The following LARP4B variants were observed in gnomAD, a reference collection of about 807,000 sequenced individuals.
LARP4B encodes the protein la-related protein 4B.
A neutral mutation model predicts 89.8 loss-of-function variants in LARP4B; 12 were observed. That is an observed-to-expected ratio of 0.13 (90% CI 0.09 to 0.22). The LOEUF (loss-of-function observed/expected upper bound fraction) is 0.22. Among genes scored for constraint, LARP4B ranks in the 10% least tolerant of loss-of-function variants. LARP4B has a pLI of 1.00. For missense variants in LARP4B, 757 were observed against 947.7 expected (o/e 0.80, Z 2.64); for synonymous variants, 367 against 363.3 (o/e 1.01, Z -0.12).
chr10:972,866 C>T, the LARP4B span: 1 of 456,980 alleles, frequency 2.2e-6, no homozygotes, highest in Non-Finnish European at 4.4e-6. Flanking sequence ...AGAATGCTGG[C>T]AGTTCTGTCT....
chr10:880,754 G>A (rs182182766), intron 3 of LARP4B, among the ~76,000 whole-genome samples: 1 of 152,246 alleles, frequency 6.6e-6, no homozygotes, highest in East Asian at 1.9e-4. Context: ...GTATGAGGAT[G>A]AGTTAGATTT....
chr10:847,607 A>G (rs1303066009), intron 5 of LARP4B, among the ~76,000 whole-genome samples: 4 of 151,716 alleles, frequency 2.6e-5, no homozygotes, highest in African/African-American at 9.7e-5. Flanking sequence ...GCTCACTGCA[A>G]CCTCCACCTC....
intron 13 of LARP4B, among the ~76,000 whole-genome samples, chr10:821,574 T>G (rs971767562): frequency 6.6e-6 from 1 of 152,128 alleles, no homozygotes; most frequent in African/African-American, 2.4e-5. Flanking sequence ...GTCTAACAAG[T>G]CACATGACAC....
At chr10:935,903 T>G (rs4881541), upstream of LARP4B, among the ~76,000 whole-genome samples, 65,674 of 150,888 alleles carry the variant, frequency 0.44, 14,772 homozygotes, top group Admixed American at 0.53. Flanking sequence ...TGTTTTTTTT[T>G]TTTGTTTGTT....
chr10:863,690 TA>T, intron 5 of LARP4B, 52 bp downstream of exon 5: 1 of 1,511,432 alleles, frequency 6.6e-7, no homozygotes, highest in Middle Eastern at 2.1e-4. Flanking sequence ...ATAAAAAAAA[TA>T]AATAAAGCAG....
At chr10:900,191 A>C (rs2131983489) in intron 1 of LARP4B, among the ~76,000 whole-genome samples, 1 of 152,104 alleles carries the variant, frequency 6.6e-6, no homozygotes, top group Non-Finnish European at 1.5e-5. Flanking sequence ...CCTAAAAAAT[A>C]CAAAACTTAG....
At chr10:913,927 C>T (rs1054221371) in intron 1 of LARP4B, among the ~76,000 whole-genome samples, 2 of 151,810 alleles carry the variant, frequency 1.3e-5, no homozygotes, top group African/African-American at 2.4e-5. Context: ...ATAAAAATAA[C>T]GAAGAATAAA....
the LARP4B span, among the ~76,000 whole-genome samples, chr10:949,634 T>C: frequency 2.0e-5 from 3 of 152,250 alleles, no homozygotes; most frequent in Non-Finnish European, 4.4e-5. Context: ...TTTTCAGCCA[T>C]GTGGATAGAT....
the LARP4B span, among the ~76,000 whole-genome samples, chr10:982,662 T>C: frequency 1.3e-5 from 2 of 152,252 alleles, no homozygotes; most frequent in Non-Finnish European, 1.5e-5. Flanking sequence ...ACCAATCACA[T>C]GGCCTTCCTA....
At chr10:947,998 G>C in the LARP4B span, among the ~76,000 whole-genome samples, 1 of 152,070 alleles carries the variant, frequency 6.6e-6, no homozygotes, top group Non-Finnish European at 1.5e-5. Context: ...CTGGCAGTGT[G>C]ATAGTGGACC....
In LARP4B at chr10:830,761, C is replaced by T. The variant is rs1832861868; in HGVS notation, c.861+106G>A. 3 of 627,414 alleles carry T rather than the reference C, an allele frequency of 4.8e-6. No individual in the cohort carries two copies. In the Admixed American group the frequency reaches 9.4e-5, roughly 20 times the overall value. The allele number at this position is 627,414 out of a possible 1,614,324, so 38.9% of individuals were successfully genotyped here. ...ATTTCCTCTGCAGATTATATTCAAA[C>T]TTACCATCACAAGTAATCTCAATGC... On this transcript the variant is annotated intron_variant, in intron 9 of 17. Transcript: ENST00000316157.
At chr10:850,356 G>C (rs1833978488) in intron 5 of LARP4B, among the ~76,000 whole-genome samples, 1 of 152,182 alleles carries the variant, frequency 6.6e-6, no homozygotes, top group Admixed American at 6.5e-5. Context: ...ATTAAGGCTA[G>C]TCAAAAGAAA....
rs552105029 is a variant in LARP4B, at chr10:926,919, A to G, written c.-40+4509T>C. Among the ~76,000 whole-genome samples the G allele has an allele frequency of 2.6e-5, 4 of 152,248 alleles. No homozygotes were observed. The South Asian group carries it at 8.3e-4, about 32-fold the overall frequency. ...GGCGTGGTGGCACGCACCTGTATGTAGTCCCAGCTACTCAGGAGGCTGAGG... is the reference window on the plus strand; with the variant it reads ...GGCGTGGTGGCACGCACCTGTATGTGGTCCCAGCTACTCAGGAGGCTGAGG... On this transcript the variant is annotated intron_variant, in intron 1 of 17. Coordinates refer to ENST00000316157, the MANE Select transcript of LARP4B (RefSeq NM_015155.3).
the LARP4B span, among the ~76,000 whole-genome samples, chr10:963,786 G>T: frequency 9.3e-4 from 141 of 152,302 alleles, 3 homozygotes; most frequent in South Asian, 0.018. Context: ...TCATGACATG[G>T]TGGAAGGTGT....
chr10:927,979 G>A (rs1485596488), intron 1 of LARP4B, among the ~76,000 whole-genome samples: 1 of 152,034 alleles, frequency 6.6e-6, no homozygotes, highest in African/African-American at 2.4e-5. Flanking sequence ...TTGGGAGGCC[G>A]AGGCGGGCGA....
intron 3 of LARP4B, among the ~76,000 whole-genome samples, chr10:870,556 C>T (rs1835149711): frequency 6.6e-6 from 1 of 152,178 alleles, no homozygotes; most frequent in South Asian, 2.1e-4. Flanking sequence ...TAGCATTTCC[C>T]ATAAAACCCA....
intron 7 of LARP4B, among the ~76,000 whole-genome samples, chr10:842,301 G>A (rs1353593877): frequency 6.6e-6 from 1 of 151,858 alleles, no homozygotes. Flanking sequence ...GGGTTCAAGT[G>A]ATTTCCCTGC....
chr10:850,508 AT>A (rs1385899755), intron 5 of LARP4B, among the ~76,000 whole-genome samples: 1 of 152,242 alleles, frequency 6.6e-6, no homozygotes, highest in African/African-American at 2.4e-5. Context: ...AACTAAAAGG[AT>A]AAACAGACAA....
At chr10:975,455 C>T in the LARP4B span, among the ~76,000 whole-genome samples, 7 of 152,336 alleles carry the variant, frequency 4.6e-5, no homozygotes, top group East Asian at 1.2e-3. Flanking sequence ...TTTCTTCTTC[C>T]AGTCACTGGG....
Sources: gnomAD v4.1 joint callset for allele counts (sites outside exome capture counted in the v4.1 genomes callset) on GRCh38, gnomAD v4.1.1 for gene constraint, MANE v1.5 for transcripts, NCBI Gene and HGNC (gene_info 2026-07-23, HGNC 2026-07-21) for gene names.